The following RBBP8 variants were observed in gnomAD, a reference collection of about 807,000 sequenced individuals.
RBBP8 encodes the protein DNA endonuclease RBBP8.
In RBBP8, 88 loss-of-function variants were observed where a neutral mutation model predicts 108.3. The ratio of observed to expected loss-of-function variants is 0.81; its 90% CI spans 0.68 to 0.97. The LOEUF (loss-of-function observed/expected upper bound fraction) is 0.97. Ranked by LOEUF, RBBP8 falls within the 50% of genes least tolerant of loss-of-function variation. RBBP8 has a pLI of 0.00. For missense variants in RBBP8, 1,023 were observed against 1,049.0 expected, an observed-to-expected ratio of 0.98 and a Z score of 0.34; for synonymous variants, 332 against 348.2, an observed-to-expected ratio of 0.95 and a Z score of 0.52.
At chr18:22,977,674 GT>G (rs1313985654) in intron 6 of RBBP8, 1 of 152,086 alleles carries the variant, frequency 6.6e-6, no homozygotes, top group Non-Finnish European at 1.5e-5. Context: ...TCTAGTAGAA[GT>G]TTACTGTTTC....
Position 22,993,722 on chromosome 18 carries a change from G to C in RBBP8, c.1814G>C (p.Ser605Thr). ...AGCTAACAATTATTTCTGTTTTAGA[G>C]TGCTGGTTCTCATGAGCCAATAAAA... is the stretch of plus-strand genomic sequence containing the variant. ...ETENVLDDIK[S>T]AGSHEPIKIQ... The change falls in exon 12 of 19, where the codon AGT (serine) becomes ACT (threonine). Residue 605 changes from serine (S) to threonine (T), a missense_variant and splice_region_variant. Coordinates refer to ENST00000327155, the MANE Select transcript of RBBP8 (RefSeq NM_002894.3). The C allele has an allele frequency of 6.2e-7, 1 of 1,614,188 alleles. No individual in the cohort carries two copies. Among genetic ancestry groups the C allele is most frequent in the Non-Finnish European group, 8.5e-7 (1 of 1,180,028 alleles).
chr18:22,916,087 T>C (rs1909344723), intron 2 of RBBP8, among the ~76,000 whole-genome samples: 1 of 152,074 alleles, frequency 6.6e-6, no homozygotes, highest in Non-Finnish European at 1.5e-5. Context: ...AAATTAGGAG[T>C]GTGTATGTAT....
At chr18:23,005,079 C>G (rs1391322729) in intron 15 of RBBP8, among the ~76,000 whole-genome samples, 2 of 152,138 alleles carry the variant, frequency 1.3e-5, no homozygotes, top group African/African-American at 4.8e-5. Context: ...AAGAGAATCT[C>G]TTGAACCTGG....
upstream of RBBP8, among the ~76,000 whole-genome samples, chr18:22,929,005 T>C (rs1337316421): frequency 6.6e-6 from 1 of 152,136 alleles, no homozygotes. Flanking sequence ...AGCAAAGGAA[T>C]GCCAGGATCA....
chr18:22,953,105 A>G (rs1652242854), intron 4 of RBBP8, among the ~76,000 whole-genome samples: 2 of 152,190 alleles, frequency 1.3e-5, no homozygotes, highest in South Asian at 4.1e-4. Flanking sequence ...GAGCTGTCAG[A>G]CCCTCATGCC....
chr18:22,973,996 A>G lies in RBBP8; in HGVS notation c.362-1157A>G, dbSNP rs540531644. ...TCTTAATTTTTTTGGATCCTCCACG[A>G]AAGTAGTTTAATAACCTCACATGTT... On this transcript the variant is annotated intron_variant, in intron 5 of 18. Coordinates refer to ENST00000327155, the MANE Select transcript of RBBP8 (RefSeq NM_002894.3). Among the ~76,000 whole-genome samples the G allele has an allele frequency of 5.9e-5, 9 of 152,334 alleles. No homozygotes were observed. In the East Asian group the frequency reaches 1.7e-3, roughly 29 times the overall value.
intron 6 of RBBP8, 89 bp from the exon 7 acceptor site, chr18:22,982,129 T>C (rs1389358070): frequency 2.8e-6 from 4 of 1,412,352 alleles, no homozygotes; most frequent in South Asian, 1.2e-5. Flanking sequence ...TAGAGCTTCA[T>C]GTTTGTGTTC....
In RBBP8 at chr18:22,982,236, A is replaced by G. The variant is rs1210583528; in HGVS notation, c.447A>G (p.Gln149=). 2 of 1,613,876 alleles carry G rather than the reference A, an allele frequency of 1.2e-6. No homozygotes were observed. Among genetic ancestry groups the G allele is most frequent in the Non-Finnish European group, 1.7e-6 (2 of 1,179,864 alleles). ...TCTCTAGGAATGATCAACAGCATCA[A>G]GCAGCTGAGCTTGAATGTGAGGAAG... ...QQKIENDQQH[Q]AAELECEEDV... The change falls in exon 7 of 19, where the codon CAA becomes CAG. Residue 149 remains glutamine (Q), a synonymous_variant. Transcript: ENST00000327155.
chr18:22,983,855 G>T (rs1002328447), intron 7 of RBBP8, among the ~76,000 whole-genome samples: 1 of 152,258 alleles, frequency 6.6e-6, no homozygotes, highest in African/African-American at 2.4e-5. Context: ...GCCAAGGTGG[G>T]TGGATCACGA....
intron 4 of RBBP8, among the ~76,000 whole-genome samples, chr18:22,962,179 A>T (rs960669356): frequency 6.6e-6 from 1 of 151,890 alleles, no homozygotes; most frequent in Non-Finnish European, 1.5e-5. Flanking sequence ...CTTTCACATG[A>T]TTAACTTTTC....
At chr18:23,022,055 T>G (rs2046353602) in intron 17 of RBBP8, 74 bp from the exon 18 acceptor site, 4 of 1,262,324 alleles carry the variant, frequency 3.2e-6, no homozygotes, top group Non-Finnish European at 4.6e-6. Context: ...TTTTAGCTTC[T>G]AGTTTGTAAT....
At chr18:22,918,824 G>A (rs1257159174) in intron 3 of RBBP8, among the ~76,000 whole-genome samples, 2 of 151,912 alleles carry the variant, frequency 1.3e-5, no homozygotes, top group African/African-American at 2.4e-5. Flanking sequence ...TGTTTCCCAG[G>A]CTGATCTTGA....
At chr18:22,992,062 C>T (rs901533537) in intron 10 of RBBP8, among the ~76,000 whole-genome samples, 1 of 152,200 alleles carries the variant, frequency 6.6e-6, no homozygotes, top group African/African-American at 2.4e-5. Flanking sequence ...AAACTTACTG[C>T]TCTTTCTACG....
intron 2 of RBBP8, among the ~76,000 whole-genome samples, chr18:22,943,654 G>A (rs975469598): frequency 1.1e-4 from 17 of 152,226 alleles, no homozygotes; most frequent in African/African-American, 4.1e-4. Context: ...TTTGGTTGAA[G>A]TTTAATTACT....
intron 12 of RBBP8, among the ~76,000 whole-genome samples, chr18:22,994,278 C>T (rs1459795594): frequency 6.8e-6 from 1 of 146,970 alleles, no homozygotes; most frequent in African/African-American, 2.5e-5. Flanking sequence ...CAGCGTCGGC[C>T]TCCCAAAGTG....
chr18:23,011,594 G>A (rs752408170), intron 16 of RBBP8, among the ~76,000 whole-genome samples: 31 of 151,874 alleles, frequency 2.0e-4, no homozygotes, highest in Non-Finnish European at 3.2e-4. Flanking sequence ...CCGCCACCAC[G>A]CCTGGCTAAT....
chr18:22,946,554 T>A, intron 3 of RBBP8, 68 bp downstream of exon 3: 1 of 1,597,202 alleles, frequency 6.3e-7, no homozygotes, highest in Non-Finnish European at 8.5e-7. Context: ...CAATTTGACA[T>A]TCATAGAGTA....
In RBBP8 at chr18:22,933,415, C is replaced by T. The variant is rs993377434; in HGVS notation, c.-248C>T. The T allele has an allele frequency of 4.6e-5, 7 of 153,762 alleles. No homozygotes were observed. In the East Asian group the frequency reaches 1.4e-3, roughly 30 times the overall value. The allele number at this position is 153,762 out of a possible 1,614,324, so 9.5% of individuals were successfully genotyped here. ...CCCCCGGCCTTAAAGCGCGGGCTGTCCGGAGGGGTCGGCTTTCCCACCGAG... is the reference window on the plus strand; with the variant it reads ...CCCCCGGCCTTAAAGCGCGGGCTGTTCGGAGGGGTCGGCTTTCCCACCGAG... On this transcript the variant is annotated 5_prime_UTR_variant, in exon 1 of 19. Transcript: ENST00000327155.
At chr18:22,935,287 GT>G (rs2144386450) in intron 1 of RBBP8, among the ~76,000 whole-genome samples, 1 of 139,114 alleles carries the variant, frequency 7.2e-6, no homozygotes, top group East Asian at 2.3e-4. Flanking sequence ...ATTTTTGTTT[GT>G]TTTTGCTGGA....
Sources: gnomAD v4.1 joint callset for allele counts (sites outside exome capture counted in the v4.1 genomes callset) on GRCh38, gnomAD v4.1.1 for gene constraint, MANE v1.5 for transcripts, NCBI Gene and HGNC (gene_info 2026-07-23, HGNC 2026-07-21) for gene names.